The following BTNL9 variants were observed in gnomAD, a reference collection of about 807,000 sequenced individuals.
BTNL9 encodes the protein butyrophilin like 9, also known as butyrophilin-like protein 9.
A neutral mutation model predicts 45.8 loss-of-function variants in BTNL9; 45 were observed. The observed-to-expected ratio is 0.98, with a 90% CI of 0.77 to 1.26. The LOEUF (loss-of-function observed/expected upper bound fraction) is 1.26, where lower values mean the gene tolerates loss of function less well. Among genes scored for constraint, BTNL9 ranks in the 50% most tolerant of loss-of-function variants. The pLI is 0.00. For synonymous variants in BTNL9, 346 were observed against 330.8 expected, an observed-to-expected ratio of 1.05 and a Z score of -0.50; for missense variants, 784 against 729.7, an observed-to-expected ratio of 1.07 and a Z score of -0.86.
At chr5:181,054,587 G>A (rs931169296) in intron 7 of BTNL9, 1 of 985,308 alleles carries the variant, frequency 1.0e-6, no homozygotes, top group African/African-American at 1.7e-5. Context: ...TAGGAAGGGT[G>A]GCACCTTTAA....
At chr5:181,048,371 T>C in intron 3 of BTNL9, 100 bp downstream of exon 3, 1 of 1,152,010 alleles carries the variant, frequency 8.7e-7, no homozygotes, top group South Asian at 1.6e-5. Context: ...TCGGTGATTT[T>C]TAAAAAACAT....
chr5:181,055,314 A>T lies in BTNL9; in HGVS notation c.908-119A>T. 6.4e-7 allele frequency: 1 copy of T among 1,571,310 alleles called. No homozygotes were observed. The highest frequency in any genetic ancestry group is 1.2e-5 in the South Asian group (1 of 83,578). The stretch of plus-strand genomic sequence containing the variant: ...CAAAGAGGAAGCTGTAAAAAAAAAA[A>T]AATGAAGCTGTGATTAGCAGTGGCT... On this transcript the variant is annotated intron_variant, in intron 7 of 10. Transcript: ENST00000327705. This position sits in a 1 kb window ranked among gnomAD's most constrained non-coding sequence, Gnocchi z 4.4.
At position 181,055,778 on chromosome 5, in the gene BTNL9, AAG is replaced by A; in HGVS notation, c.929-209_929-208del. 1 of 726,104 alleles carries A rather than the reference AAG, an allele frequency of 1.4e-6. No homozygotes were observed. Among genetic ancestry groups the A allele is most frequent in the South Asian group, 1.5e-5 (1 of 68,066 alleles). The allele number at this position is 726,104 out of a possible 1,614,324, so 45.0% of individuals were successfully genotyped here. A position where few individuals can be genotyped will look rare whatever the true frequency, so the allele number is the denominator to read the frequency against. On this transcript the variant is annotated intron_variant, in intron 8 of 10. Coordinates refer to ENST00000327705, the MANE Select transcript of BTNL9 (RefSeq NM_152547.5). The surrounding 1 kb of genome is among the most constrained non-coding windows in gnomAD (Gnocchi z 4.4). Reference sequence around the variant, plus strand: ...AGCGAGACTCTGTCTCAAAAAAAAAAAGAACTATTTCTCCTCATTCATCATTT... The same window carrying A: ...AGCGAGACTCTGTCTCAAAAAAAAAAAACTATTTCTCCTCATTCATCATTT...
In BTNL9 at chr5:181,053,959, G is replaced by A; in HGVS notation, c.887-280G>A. 1 of 1,526,146 alleles carries A rather than the reference G, an allele frequency of 6.6e-7. No individual in the cohort carries two copies. Among genetic ancestry groups the A allele is most frequent in the Non-Finnish European group, 8.8e-7 (1 of 1,140,514 alleles). 94.5% of individuals were successfully genotyped at this position (1,526,146 alleles called of 1,614,324 possible). On this transcript the variant is annotated intron_variant, in intron 6 of 10. Coordinates refer to ENST00000327705, the MANE Select transcript of BTNL9 (RefSeq NM_152547.5). The surrounding 1 kb of genome is among the most constrained non-coding windows in gnomAD (Gnocchi z 6.5). ...GTGTCCGGGGCTTAACGTTTCCGCC[G>A]AGCTAATAGATTTGGGAGGCTCCGA... is the stretch of plus-strand genomic sequence containing the variant.
rs1761733805 is a variant in BTNL9 at position 181,053,984 on chromosome 5, A to G, written c.887-255A>G. On this transcript the variant is annotated intron_variant, in intron 6 of 10. Transcript: ENST00000327705. This position sits in a 1 kb window ranked among gnomAD's most constrained non-coding sequence, Gnocchi z 6.5. ...GAGCTAATAGATTTGGGAGGCTCCG[A>G]CCCTGATTTTCACACTAGCAGGAGG... 6 of 1,533,480 alleles carry G rather than the reference A, an allele frequency of 3.9e-6. No homozygotes were observed. The highest frequency in any genetic ancestry group is 5.2e-6 in the Non-Finnish European group (6 of 1,144,112). 95.0% of individuals were successfully genotyped at this position (1,533,480 alleles called of 1,614,324 possible).
rs202143567 is a variant in BTNL9 at position 181,045,539 on chromosome 5, C to A, written c.50C>A (p.Thr17Asn). The A allele has an allele frequency of 1.9e-5, 31 of 1,612,778 alleles. No individual in the cohort carries two copies. The highest frequency in any genetic ancestry group is 2.6e-5 in the Non-Finnish European group (31 of 1,179,370). Residue 17 changes from threonine to asparagine, a missense_variant, in exon 2 of 11, where the codon ACC (threonine) becomes AAC (asparagine). By Grantham distance (65) the Thr-to-Asn change is moderately conservative. Coordinates refer to ENST00000327705, the MANE Select transcript of BTNL9 (RefSeq NM_152547.5). ...SPDSLKPVSL[T>N]SSLVFLMHLL... ...GACTCCTTGAAGCCAGTATCGCTGA[C>A]CAGCAGTCTTGTCTTCCTCATGCAC...
chr5:181,057,623 A>G (rs1322036725), intron 9 of BTNL9, among the ~76,000 whole-genome samples: 1 of 152,226 alleles, frequency 6.6e-6, no homozygotes, highest in Non-Finnish European at 1.5e-5. Context: ...AAATTTTAGG[A>G]TAAATTCATA....
chr5:181,051,185 C>T (rs1385927342), intron 4 of BTNL9, among the ~76,000 whole-genome samples: 2 of 151,562 alleles, frequency 1.3e-5, no homozygotes, highest in African/African-American at 4.9e-5. Context: ...ACAAAAGGCA[C>T]GTCCAGGAAG....
At position 181,060,240 on chromosome 5, in the gene BTNL9, T is replaced by A. The variant is rs1328770340; in HGVS notation, c.*378T>A. 1 of 193,994 alleles carries A rather than the reference T, an allele frequency of 5.2e-6. No homozygotes were observed. The highest frequency in any genetic ancestry group is 1.0e-5 in the Non-Finnish European group (1 of 96,470). 12.0% of individuals were successfully genotyped at this position (193,994 alleles called of 1,614,324 possible). ...TAGTTTTATATTTTTTGTATATGTT[T>A]GCTAGCTCTAAAAAGGTCGAGATGC... is the stretch of plus-strand genomic sequence containing the variant. On this transcript the variant is annotated 3_prime_UTR_variant, in exon 11 of 11. Transcript: ENST00000327705.
chr5:181,049,948 C>T (rs1027827116), intron 3 of BTNL9, 140 bp from the exon 4 acceptor site: 15 of 1,091,260 alleles, frequency 1.4e-5, no homozygotes, highest in South Asian at 6.3e-5. Flanking sequence ...GGGCGGGGAG[C>T]GCCAAGCCCA....
In BTNL9 at chr5:181,042,522, C is replaced by A. The variant is rs893117873; in HGVS notation, c.-24+2090C>A. On this transcript the variant is annotated intron_variant, in intron 1 of 10. Transcript: ENST00000327705. This position sits in a 1 kb window ranked among gnomAD's most constrained non-coding sequence, Gnocchi z 4.5. Reference sequence around the variant, plus strand: ...GAAGAGTGAGGTCAGAAAGGGCGGACGCACAGCAGCAAACGGGGAGGAGGG... The same window carrying A: ...GAAGAGTGAGGTCAGAAAGGGCGGAAGCACAGCAGCAAACGGGGAGGAGGG... Among the ~76,000 whole-genome samples, 1 of 152,120 alleles carries A rather than the reference C, an allele frequency of 6.6e-6. No homozygotes were observed. Among genetic ancestry groups the A allele is most frequent in the East Asian group, 1.9e-4 (1 of 5,192 alleles).
intron 1 of BTNL9, among the ~76,000 whole-genome samples, chr5:181,041,591 G>A (rs779202388): frequency 9.2e-5 from 14 of 152,208 alleles, no homozygotes; most frequent in Non-Finnish European, 1.2e-4. Flanking sequence ...ATAGTGATTC[G>A]CCTGAGTTTG....
chr5:181,057,685 A>T (rs548147879), intron 9 of BTNL9, among the ~76,000 whole-genome samples: 3 of 152,376 alleles, frequency 2.0e-5, no homozygotes, highest in Non-Finnish European at 2.9e-5. Flanking sequence ...CTTTGAACTT[A>T]CAGATAAACT....
intron 1 of BTNL9, 148 bp from the exon 2 acceptor site, chr5:181,045,319 A>G (rs1034376348): frequency 7.0e-6 from 4 of 571,500 alleles, no homozygotes; most frequent in Non-Finnish European, 1.3e-5. Flanking sequence ...CCCTCTGGCC[A>G]TGGAAGAAGC....
chr5:181,044,362 C>T lies in BTNL9; in HGVS notation c.-23-1105C>T, dbSNP rs574778527. 1.3e-3 allele frequency among the ~76,000 whole-genome samples: 203 copies of T among 152,228 alleles called. 1 individual carries two copies. The highest frequency in any genetic ancestry group is 4.4e-3 in the African/African-American group (184 of 41,540). ...GGAAGAAAAGCCAAGCCGTGGGGGC[C>T]GACGGGGAGACAGAGAGGGTTGGAG... On this transcript the variant is annotated intron_variant, in intron 1 of 10. Coordinates refer to ENST00000327705, the MANE Select transcript of BTNL9 (RefSeq NM_152547.5).
Position 181,055,955 on chromosome 5 carries a change from G to A in BTNL9, c.929-34G>A, listed in dbSNP as rs1384707513. 1 of 1,614,132 alleles carries A rather than the reference G, an allele frequency of 6.2e-7. No individual in the cohort carries two copies. Among genetic ancestry groups the A allele is most frequent in the Non-Finnish European group, 8.5e-7 (1 of 1,179,956 alleles). ...GAGCAGGGAAGCTTGGGGTCCTGAT[G>A]TGCTAATTTCCTGTTTTCCCTTGGT... is the stretch of plus-strand genomic sequence containing the variant. On this transcript the variant is annotated intron_variant, in intron 8 of 10. Transcript: ENST00000327705. This position sits in a 1 kb window ranked among gnomAD's most constrained non-coding sequence, Gnocchi z 4.4.
chr5:181,051,844 G>T (rs1173043529), intron 4 of BTNL9, among the ~76,000 whole-genome samples: 2 of 152,046 alleles, frequency 1.3e-5, no homozygotes, highest in African/African-American at 4.8e-5. Context: ...TATTTATTAT[G>T]AAACAAGTTT....
At position 181,045,485 on chromosome 5, in the gene BTNL9, G is replaced by A. The variant is rs200561150; in HGVS notation, c.-5G>A. The A allele has an allele frequency of 3.8e-4, 614 of 1,595,630 alleles. No individual in the cohort carries two copies. Among genetic ancestry groups the A allele is most frequent in the Non-Finnish European group, 4.7e-4 (545 of 1,163,868 alleles). ...TCTCCAGGTGGCCCCCACTGCTGAC[G>A]AGAGATGGTGGACCTCTCAGTCTCC... On this transcript the variant is annotated 5_prime_UTR_variant, in exon 2 of 11. Coordinates refer to ENST00000327705, the MANE Select transcript of BTNL9 (RefSeq NM_152547.5).
rs1161739547 is a variant in BTNL9, at chr5:181,050,822, C to G, written c.736+453C>G. ...TGGTAGGTGCAGCCGGGTGCAGTGGCTCACGCCTGTAATCCCAGCACTTTG... is the reference window on the plus strand; with the variant it reads ...TGGTAGGTGCAGCCGGGTGCAGTGGGTCACGCCTGTAATCCCAGCACTTTG... On this transcript the variant is annotated intron_variant, in intron 4 of 10. Coordinates refer to ENST00000327705, the MANE Select transcript of BTNL9 (RefSeq NM_152547.5). The surrounding 1 kb of genome is among the most constrained non-coding windows in gnomAD (Gnocchi z 4.9). Among the ~76,000 whole-genome samples the G allele has an allele frequency of 6.6e-6, 1 of 152,112 alleles. No homozygotes were observed. Among genetic ancestry groups the G allele is most frequent in the East Asian group, 1.9e-4 (1 of 5,190 alleles).
Sources: gnomAD v4.1 joint callset for allele counts (sites outside exome capture counted in the v4.1 genomes callset) on GRCh38, gnomAD v4.1.1 for gene constraint, Gnocchi (gnomAD v3.1) non-coding constraint, MANE v1.5 for transcripts, NCBI Gene and HGNC (gene_info 2026-07-23, HGNC 2026-07-21) for gene names.